MIR2052HG: variants seen among roughly 807,000 people sequenced by gnomAD.
MIR2052HG encodes MIR2052 host gene.
chr8:74,720,120 A>T (rs1294092418), intron 4 of MIR2052HG, among the ~76,000 whole-genome samples: 1 of 152,088 alleles, frequency 6.6e-6, no homozygotes, highest in Non-Finnish European at 1.5e-5. Flanking sequence ...AAGTGTTGGG[A>T]TTACAGGCGT....
chr8:74,645,654 G>A (rs1808683995), intron 2 of MIR2052HG, among the ~76,000 whole-genome samples: 1 of 152,184 alleles, frequency 6.6e-6, no homozygotes, highest in Non-Finnish European at 1.5e-5. Context: ...GACTGCTAAT[G>A]CTTATGAATT....
At chr8:74,695,149 T>C (rs1809282882) in intron 2 of MIR2052HG, among the ~76,000 whole-genome samples, 1 of 152,202 alleles carries the variant, frequency 6.6e-6, no homozygotes, top group South Asian at 2.1e-4. Flanking sequence ...TTGTGCCCTA[T>C]CTTTAGCTTC....
chr8:74,752,720 A>C (rs1809960705), intron 5 of MIR2052HG, among the ~76,000 whole-genome samples: 1 of 152,250 alleles, frequency 6.6e-6, no homozygotes, highest in Admixed American at 6.5e-5. Flanking sequence ...TGGTAGTAAC[A>C]GTCTCTCCTT....
chr8:74,744,739 G>A (rs906749547), intron 4 of MIR2052HG, among the ~76,000 whole-genome samples: 1 of 152,052 alleles, frequency 6.6e-6, no homozygotes, highest in Non-Finnish European at 1.5e-5. Flanking sequence ...TGGACATTTG[G>A]GTTGGTTCCA....
At chr8:74,719,592 T>G (rs1809553481) in intron 4 of MIR2052HG, among the ~76,000 whole-genome samples, 1 of 152,186 alleles carries the variant, frequency 6.6e-6, no homozygotes, top group Non-Finnish European at 1.5e-5. Flanking sequence ...CAGTTTTAAG[T>G]CTGAAATCAC....
intron 4 of MIR2052HG, among the ~76,000 whole-genome samples, chr8:74,709,429 C>CT (rs932930322): frequency 1.3e-4 from 19 of 150,824 alleles, no homozygotes; most frequent in Non-Finnish European, 2.1e-4. Context: ...AACATCAGAC[C>CT]TTTTTTTTTG....
rs925234835 is a variant in MIR2052HG, at chr8:74,737,529, T to C, written n.372-14912T>C. 1.8e-4 allele frequency among the ~76,000 whole-genome samples: 28 copies of C among 152,318 alleles called. 1 individual carries two copies. The highest frequency in any genetic ancestry group is 6.3e-4 in the African/African-American group (26 of 41,572). ...CCTGGACAGCTTGCAGTCACGACCC[T>C]CTACCAGTGACAACACCTCCTGCTA... On this transcript the variant is annotated intron_variant and non_coding_transcript_variant, in intron 4 of 6. Coordinates refer to ENST00000523442, the Ensembl canonical transcript of MIR2052HG.
intron 2 of MIR2052HG, among the ~76,000 whole-genome samples, chr8:74,644,171 T>C (rs1808667844): frequency 1.3e-5 from 2 of 152,332 alleles, no homozygotes; most frequent in South Asian, 2.1e-4. Flanking sequence ...CCTCCATATG[T>C]CACATTGTGC....
chr8:74,697,938 A>G (rs561464722), intron 2 of MIR2052HG, among the ~76,000 whole-genome samples: 96 of 152,328 alleles, frequency 6.3e-4, no homozygotes, highest in African/African-American at 2.3e-3. Context: ...TGCCAAAAGC[A>G]ATCTACAAAT....
chr8:74,700,661 T>C (rs564163759), intron 2 of MIR2052HG, among the ~76,000 whole-genome samples: 70 of 152,238 alleles, frequency 4.6e-4, no homozygotes, highest in African/African-American at 1.5e-3. Flanking sequence ...TCTACACTTA[T>C]AGATCACTAG....
At chr8:74,675,911 A>T (rs542918784) in intron 2 of MIR2052HG, among the ~76,000 whole-genome samples, 1 of 152,118 alleles carries the variant, frequency 6.6e-6, no homozygotes, top group African/African-American at 2.4e-5. Flanking sequence ...TAAATCTCTT[A>T]AATTTACAAT....
intron 2 of MIR2052HG, among the ~76,000 whole-genome samples, chr8:74,652,733 A>G (rs547187212): frequency 7.9e-5 from 12 of 152,316 alleles, no homozygotes; most frequent in Admixed American, 7.2e-4. Flanking sequence ...CAAATAGGCT[A>G]TTCATACTTG....
chr8:74,615,785 T>C (rs1280174046), intron 2 of MIR2052HG, among the ~76,000 whole-genome samples: 1 of 150,166 alleles, frequency 6.7e-6, no homozygotes, highest in African/African-American at 2.5e-5. Context: ...CAACAGGCCC[T>C]GGTGTGTGAT....
At chr8:74,608,424 T>G (rs1808143994) in intron 1 of MIR2052HG, among the ~76,000 whole-genome samples, 1 of 152,218 alleles carries the variant, frequency 6.6e-6, no homozygotes, top group East Asian at 1.9e-4. Flanking sequence ...AAAAAACATC[T>G]ATAAGAATAT....
chr8:74,602,873 C>CTTTCTTTT (rs940052573), intron 1 of MIR2052HG, among the ~76,000 whole-genome samples: 57 of 138,798 alleles, frequency 4.1e-4, no homozygotes, highest in African/African-American at 1.5e-3. Flanking sequence ...TTCTTTCTTT[C>CTTTCTTTT]TTTTTTCTAT....
intron 2 of MIR2052HG, among the ~76,000 whole-genome samples, chr8:74,623,179 T>C (rs757986695): frequency 1.3e-5 from 2 of 152,252 alleles, no homozygotes; most frequent in African/African-American, 2.4e-5. Context: ...TGGTAGGTGA[T>C]TGTTAGGTTA....
chr8:74,604,329 C>T (rs1010411790), intron 1 of MIR2052HG: 10 of 446,264 alleles, frequency 2.2e-5, no homozygotes, highest in Admixed American at 1.1e-4. Flanking sequence ...ACTGCTGGCG[C>T]GAGGCGACTG....
chr8:74,700,110 G>A (rs552196231), intron 2 of MIR2052HG, among the ~76,000 whole-genome samples: 16 of 152,240 alleles, frequency 1.1e-4, no homozygotes, highest in Non-Finnish European at 2.1e-4. Flanking sequence ...ATATGAGATG[G>A]TTTTTAAACT....
At chr8:74,704,960 C>T (rs185966697) in intron 4 of MIR2052HG, among the ~76,000 whole-genome samples, 5 of 152,102 alleles carry the variant, frequency 3.3e-5, no homozygotes, top group African/African-American at 1.2e-4. Flanking sequence ...TATCACTGTG[C>T]TCTAAAGCAT....
Sources: gnomAD v4.1 joint callset for allele counts (sites outside exome capture counted in the v4.1 genomes callset) on GRCh38, gnomAD v4.1.1 for gene constraint, MANE v1.5 for transcripts, NCBI Gene and HGNC (gene_info 2026-07-23, HGNC 2026-07-21) for gene names.